Variants in PRKCH observed in about 807,000 individuals in gnomAD.
PRKCH encodes the protein protein kinase C eta type.
PRKCH carries 28 observed loss-of-function variants against 82.5 expected under a neutral mutation model. The ratio of observed to expected loss-of-function variants is 0.34; its 90% CI spans 0.25 to 0.47. The LOEUF (loss-of-function observed/expected upper bound fraction) is 0.47, where lower values mean the gene tolerates loss of function less well. Ranked by LOEUF, PRKCH falls within the 20% of genes least tolerant of loss-of-function variation. The probability of loss-of-function intolerance (pLI) is 1.00; values close to 1 mark genes in which losing one functional copy is unlikely to be tolerated. For synonymous variants in PRKCH, 322 were observed against 327.4 expected (o/e 0.98, Z 0.18); for missense variants, 705 against 881.8 (o/e 0.80, Z 2.54).
chr14:61,542,646 G>A (rs1177392450), intron 12 of PRKCH, among the ~76,000 whole-genome samples: 1 of 152,198 alleles, frequency 6.6e-6, no homozygotes, highest in Non-Finnish European at 1.5e-5. Flanking sequence ...AACAGGGAGA[G>A]CCAGATGAGC....
intron 1 of PRKCH, among the ~76,000 whole-genome samples, chr14:61,262,175 C>T (rs1469002665): frequency 2.1e-5 from 3 of 143,580 alleles, no homozygotes; most frequent in Non-Finnish European, 3.0e-5. Context: ...GAGCCAAGAT[C>T]GGCACCACTG....
At chr14:61,435,652 T>C (rs1448867299) in intron 2 of PRKCH, among the ~76,000 whole-genome samples, 1 of 152,114 alleles carries the variant, frequency 6.6e-6, no homozygotes, top group Non-Finnish European at 1.5e-5. Context: ...GAGGTCAGCC[T>C]GGGCAATGTA....
rs148771263 is a variant in PRKCH at position 61,323,027 on chromosome 14, T to C, written c.363+563T>C. 4.3e-3 allele frequency among the ~76,000 whole-genome samples: 652 copies of C among 152,274 alleles called. 5 individuals carry two copies. The highest frequency in any genetic ancestry group is 0.014 in the African/African-American group (581 of 41,550). On this transcript the variant is annotated intron_variant, in intron 1 of 13. Transcript: ENST00000332981. ...GCCTGGGTCTGCACGTTGGCAGTTT[T>C]ATTATTTAGCATTTTTCCAAGGAGA... is the stretch of plus-strand genomic sequence containing the variant.
At chr14:61,448,231 C>T (rs970545744) in intron 4 of PRKCH, among the ~76,000 whole-genome samples, 2 of 151,872 alleles carry the variant, frequency 1.3e-5, no homozygotes, top group Non-Finnish European at 2.9e-5. Flanking sequence ...TGTCACCTCT[C>T]TTTATGTAGT....
At chr14:61,332,442 G>A (rs2045802153) in intron 1 of PRKCH, among the ~76,000 whole-genome samples, 1 of 152,140 alleles carries the variant, frequency 6.6e-6, no homozygotes, top group Admixed American at 6.5e-5. Flanking sequence ...CACTTAATAG[G>A]AAGCTTACCA....
intron 2 of PRKCH, among the ~76,000 whole-genome samples, chr14:61,412,556 G>T (rs1882323494): frequency 6.6e-6 from 1 of 152,160 alleles, no homozygotes; most frequent in Non-Finnish European, 1.5e-5. Context: ...GATGCCCAGG[G>T]GTCACTTGAC....
rs568219034 is a variant in PRKCH at position 61,233,684 on chromosome 14, A to C, written c.-19+46016A>C. On this transcript the variant is annotated intron_variant, in intron 1 of 3. Coordinates refer to the PRKCH transcript ENST00000555185. The stretch of plus-strand genomic sequence containing the variant: ...CATGCTGTTCTTATAATAGTGAGTT[A>C]GTTATCACGAGATCTGATGGTTTTA... Among the ~76,000 whole-genome samples the C allele has an allele frequency of 5.9e-5, 9 of 152,244 alleles. No homozygotes were observed. The South Asian group carries it at 1.0e-3, about 18-fold the overall frequency.
intron 1 of PRKCH, among the ~76,000 whole-genome samples, chr14:61,362,924 A>C (rs1019825559): frequency 1.3e-5 from 2 of 152,224 alleles, no homozygotes; most frequent in Non-Finnish European, 2.9e-5. Flanking sequence ...AGATCATAGA[A>C]AACAGCCTCT....
At chr14:61,278,353 T>G (rs940678052) in intron 1 of PRKCH, 5 of 152,216 alleles carry the variant, frequency 3.3e-5, no homozygotes, top group African/African-American at 1.2e-4. Context: ...CACATTAAAT[T>G]AACAAAGTAT....
intron 2 of PRKCH, among the ~76,000 whole-genome samples, chr14:61,412,122 G>A (rs540320634): frequency 6.6e-6 from 1 of 152,218 alleles, no homozygotes; most frequent in African/African-American, 2.4e-5. Context: ...CACTCAATAG[G>A]CAAAAACCAG....
intron 1 of PRKCH, among the ~76,000 whole-genome samples, chr14:61,209,165 A>G: frequency 6.6e-6 from 1 of 152,128 alleles, no homozygotes. Context: ...ATGTAGCCCA[A>G]AGGCCCTTGC....
At chr14:61,285,576 TTTA>T (rs1188737602) in intron 1 of PRKCH, among the ~76,000 whole-genome samples, 6 of 152,336 alleles carry the variant, frequency 3.9e-5, no homozygotes, top group African/African-American at 1.4e-4. Flanking sequence ...ATAGCTAACT[TTTA>T]TTGAGTACCT....
Position 61,275,797 on chromosome 14 carries a change from C to A in PRKCH, c.-19+88129C>A, listed in dbSNP as rs540737280. The stretch of plus-strand genomic sequence containing the variant: ...ATTCTCCTCTCCTGTCTCCCTACAA[C>A]CCCCAAAGTTTCTTGGGTTTCATTG... On this transcript the variant is annotated intron_variant, in intron 1 of 3. Coordinates refer to the PRKCH transcript ENST00000555185. Among the ~76,000 whole-genome samples, 8 of 152,242 alleles carry A rather than the reference C, an allele frequency of 5.3e-5. 1 individual carries two copies. The highest frequency in any genetic ancestry group is 2.0e-4 in the Admixed American group (3 of 15,288).
intron 2 of PRKCH, among the ~76,000 whole-genome samples, chr14:61,412,835 G>T (rs775950645): frequency 1.3e-5 from 2 of 151,822 alleles, no homozygotes; most frequent in Non-Finnish European, 2.9e-5. Flanking sequence ...ATCTTTATGT[G>T]CCTGCTGTCC....
rs182179267 is a variant in PRKCH at position 61,300,408 on chromosome 14, C to A, written c.-19+112740C>A. 2.0e-5 allele frequency among the ~76,000 whole-genome samples: 3 copies of A among 152,266 alleles called. No homozygotes were observed. In the East Asian group the frequency reaches 5.8e-4, roughly 29 times the overall value. ...CAGAATTTATTGAGCACCTGCTAAG[C>A]CTGGCAATATGACAGGCACTGGGAA... On this transcript the variant is annotated intron_variant, in intron 1 of 3. Transcript: ENST00000555185.
chr14:61,521,573 A>AT (rs146939937), intron 10 of PRKCH, among the ~76,000 whole-genome samples: 18,476 of 147,422 alleles, frequency 0.13, 1,232 homozygotes, highest in African/African-American at 0.18. Context: ...TATTTTATTA[A>AT]TTTTTTTTTT....
chr14:61,299,150 T>C (rs2045429342), intron 1 of PRKCH, among the ~76,000 whole-genome samples: 1 of 152,100 alleles, frequency 6.6e-6, no homozygotes, highest in South Asian at 2.1e-4. Flanking sequence ...GAACACAGTG[T>C]ATAGGTGCCG....
At chr14:61,308,437 C>T (rs2045498054) in intron 1 of PRKCH, among the ~76,000 whole-genome samples, 1 of 152,104 alleles carries the variant, frequency 6.6e-6, no homozygotes, top group Non-Finnish European at 1.5e-5. Flanking sequence ...TGTTGACTTC[C>T]TTTCTCCTGT....
chr14:61,242,643 C>T (rs1053960404), intron 1 of PRKCH, among the ~76,000 whole-genome samples: 4 of 152,152 alleles, frequency 2.6e-5, no homozygotes, highest in Admixed American at 6.5e-5. Flanking sequence ...GGTGATCCCC[C>T]CTCCTCGGCC....
Sources: gnomAD v4.1 joint callset for allele counts (sites outside exome capture counted in the v4.1 genomes callset) on GRCh38, gnomAD v4.1.1 for gene constraint, MANE v1.5 for transcripts, NCBI Gene and HGNC (gene_info 2026-07-23, HGNC 2026-07-21) for gene names.